Variants in TNR observed in about 807,000 individuals in gnomAD.
TNR encodes the protein tenascin-R.
TNR carries 45 observed loss-of-function variants against 150.4 expected under a neutral mutation model. The observed-to-expected ratio is 0.30, with a 90% CI of 0.24 to 0.38. The LOEUF is 0.38. Ranked by LOEUF, TNR falls within the 10% of genes least tolerant of loss-of-function variation. TNR has a pLI of 1.00. For synonymous variants in TNR, 687 were observed against 678.4 expected (o/e 1.01, Z -0.20); for missense variants, 1,544 against 1,759.1 (o/e 0.88, Z 2.19).
intron 18 of TNR, among the ~76,000 whole-genome samples, chr1:175,347,071 G>T (rs1260444362): frequency 6.6e-6 from 1 of 152,112 alleles, no homozygotes; most frequent in African/African-American, 2.4e-5. Context: ...AGTCTAAACG[G>T]ATGGTAGCTA....
chr1:175,709,616 TCATTCC>T (rs941521883), intron 1 of TNR, among the ~76,000 whole-genome samples: 6 of 152,226 alleles, frequency 3.9e-5, no homozygotes, highest in African/African-American at 1.4e-4. Context: ...GCCAGAATGC[TCATTCC>T]CCTAACAGGC....
intron 1 of TNR, among the ~76,000 whole-genome samples, chr1:175,650,438 G>C (rs1335469925): frequency 6.6e-6 from 1 of 151,848 alleles, no homozygotes; most frequent in Non-Finnish European, 1.5e-5. Context: ...GGATTATTGA[G>C]TTGACCATCT....
intron 1 of TNR, among the ~76,000 whole-genome samples, chr1:175,656,304 G>A (rs751831317): frequency 7.2e-5 from 11 of 152,142 alleles, no homozygotes; most frequent in East Asian, 5.8e-4. Flanking sequence ...CCTCGGCTAC[G>A]TGGTGGGTCA....
At chr1:175,535,421 T>C (rs1039391161) in intron 1 of TNR, among the ~76,000 whole-genome samples, 2 of 151,114 alleles carry the variant, frequency 1.3e-5, no homozygotes, top group Admixed American at 1.3e-4. Context: ...TTTATCTGTA[T>C]TTCTTTTTTA....
chr1:175,394,182 A>G (rs1653312822), intron 5 of TNR, among the ~76,000 whole-genome samples: 1 of 152,238 alleles, frequency 6.6e-6, no homozygotes, highest in Non-Finnish European at 1.5e-5. Context: ...TAAAATGCAG[A>G]CATCATTTTT....
intron 2 of TNR, among the ~76,000 whole-genome samples, chr1:175,476,154 T>C (rs16848490): frequency 0.067 from 10,126 of 152,182 alleles, 718 homozygotes; most frequent in African/African-American, 0.18. Context: ...GCATTGAGAA[T>C]AAGAGGTGAG....
intron 2 of TNR, among the ~76,000 whole-genome samples, chr1:175,526,609 T>C (rs1362681614): frequency 1.3e-5 from 2 of 152,208 alleles, no homozygotes; most frequent in African/African-American, 4.8e-5. Context: ...TTATCTCAAT[T>C]TGGCAAGAAG....
At chr1:175,588,224 C>A (rs1662654418) in intron 1 of TNR, among the ~76,000 whole-genome samples, 1 of 152,200 alleles carries the variant, frequency 6.6e-6, no homozygotes, top group Non-Finnish European at 1.5e-5. Context: ...ATTGAATAAG[C>A]AGTTGGACTA....
intron 1 of TNR, among the ~76,000 whole-genome samples, chr1:175,669,580 C>T (rs1665633392): frequency 6.6e-6 from 1 of 152,144 alleles, no homozygotes; most frequent in African/African-American, 2.4e-5. Context: ...GGATCATTTC[C>T]TAGTAGAAGT....
At chr1:175,619,109 C>T (rs1663875964) in intron 1 of TNR, among the ~76,000 whole-genome samples, 2 of 152,282 alleles carry the variant, frequency 1.3e-5, no homozygotes, top group South Asian at 4.1e-4. Context: ...CCATTAGTGA[C>T]TGAGTGCCTG....
At chr1:175,651,837 C>G (rs181398858) in intron 1 of TNR, among the ~76,000 whole-genome samples, 6 of 151,704 alleles carry the variant, frequency 4.0e-5, no homozygotes, top group African/African-American at 1.4e-4. Context: ...TATTAACTAA[C>G]TGAATACAAC....
intron 20 of TNR, among the ~76,000 whole-genome samples, chr1:175,331,155 C>CTTTT (rs60231011): frequency 3.2e-5 from 3 of 93,280 alleles, no homozygotes; most frequent in Non-Finnish European, 6.9e-5. Context: ...TCCTTTCTTT[C>CTTTT]TTTTTCTTTC....
intron 1 of TNR, among the ~76,000 whole-genome samples, chr1:175,545,412 T>C (rs1013698857): frequency 1.9e-4 from 22 of 115,678 alleles, no homozygotes; most frequent in Non-Finnish European, 3.9e-4. Context: ...GAAAGAAATA[T>C]ATAGAGAGAA....
intron 1 of TNR, among the ~76,000 whole-genome samples, chr1:175,733,060 C>A (rs1481453984): frequency 6.6e-6 from 1 of 152,186 alleles, no homozygotes; most frequent in Non-Finnish European, 1.5e-5. Context: ...CTTGGTCAGG[C>A]CAGTTGCTGA....
chr1:175,330,538 C>G, intron 20 of TNR: 1 of 250,210 alleles, frequency 4.0e-6, no homozygotes, highest in Non-Finnish European at 7.6e-6. Flanking sequence ...GCCCTGTCCC[C>G]TCTCACCTCC....
intron 1 of TNR, among the ~76,000 whole-genome samples, chr1:175,668,503 T>C (rs1284713262): frequency 6.6e-6 from 1 of 152,136 alleles, no homozygotes; most frequent in East Asian, 1.9e-4. Context: ...CACTGGGTAC[T>C]GAGAAGCAAT....
At chr1:175,329,722 A>T (rs1649619886) in intron 21 of TNR, among the ~76,000 whole-genome samples, 1 of 152,254 alleles carries the variant, frequency 6.6e-6, no homozygotes, top group Non-Finnish European at 1.5e-5. Context: ...ACTAATCTAG[A>T]CAAAGAAAAC....
intron 18 of TNR, among the ~76,000 whole-genome samples, chr1:175,340,328 A>C (rs1381845383): frequency 6.6e-6 from 1 of 152,126 alleles, no homozygotes; most frequent in Non-Finnish European, 1.5e-5. Flanking sequence ...TTGTTTATAG[A>C]TTCCATTTGC....
At chr1:175,329,961 G>T in intron 21 of TNR, 113 bp downstream of exon 21, 2 of 1,179,770 alleles carry the variant, frequency 1.7e-6, no homozygotes, top group Non-Finnish European at 2.3e-6. Flanking sequence ...GGCCAGCAGC[G>T]AATGCTGGAA....
Sources: allele counts gnomAD v4.1 joint callset (sites outside exome capture counted in the v4.1 genomes callset), GRCh38; gene constraint gnomAD v4.1.1; transcripts MANE v1.5; gene names NCBI Gene and HGNC (gene_info 2026-07-23, HGNC 2026-07-21).